The following PCDH17 variants were observed in gnomAD, a reference collection of about 807,000 sequenced individuals.
PCDH17 encodes protocadherin 17.
Under a neutral mutation model 67.7 loss-of-function variants are expected in PCDH17, and 21 were observed. The observed-to-expected ratio is 0.31, with a 90% CI of 0.22 to 0.45. The LOEUF is 0.45. PCDH17 is among the 20% of genes least tolerant of loss of function. The probability of loss-of-function intolerance (pLI) is 1.00; values close to 1 mark genes in which losing one functional copy is unlikely to be tolerated. For missense variants in PCDH17, 1,471 were observed against 1,564.8 expected (o/e 0.94, Z 1.01); for synonymous variants, 701 against 656.7 (o/e 1.07, Z -1.03).
In PCDH17 at chr13:57,727,893, G is replaced by A. The variant is rs1030788162; in HGVS notation, c.*2599G>A. Reference sequence around the variant, plus strand: ...TAAATGAAACCAGCAAAGAGAGTAGGGTTTATTTTATAAACATTCTTAATG... The same window carrying A: ...TAAATGAAACCAGCAAAGAGAGTAGAGTTTATTTTATAAACATTCTTAATG... On this transcript the variant is annotated 3_prime_UTR_variant, in exon 4 of 4. Coordinates refer to ENST00000377918, the MANE Select transcript of PCDH17 (RefSeq NM_001040429.3). The A allele has an allele frequency of 1.6e-4, 24 of 152,266 alleles. No individual in the cohort carries two copies. Among genetic ancestry groups the A allele is most frequent in the African/African-American group, 3.1e-4 (13 of 41,340 alleles). The allele number at this position is 152,266 out of a possible 1,614,324, so 9.4% of individuals were successfully genotyped here.
intron 3 of PCDH17, among the ~76,000 whole-genome samples, chr13:57,701,223 A>T (rs956927472): frequency 6.6e-6 from 1 of 152,134 alleles, no homozygotes. Context: ...TATCTTTCAC[A>T]GTTTATCAAA....
intron 3 of PCDH17, among the ~76,000 whole-genome samples, chr13:57,716,515 G>A (rs533192154): frequency 1.3e-5 from 2 of 151,840 alleles, no homozygotes; most frequent in Admixed American, 1.3e-4. Context: ...TCCACTCTCT[G>A]TTGAAACCCT....
chr13:57,633,957 C>G lies in PCDH17; in HGVS notation c.1411C>G (p.Arg471Gly). 2 of 1,613,572 alleles carry G rather than the reference C, an allele frequency of 1.2e-6. No individual in the cohort carries two copies. The highest frequency in any genetic ancestry group is 1.1e-5 in the South Asian group (1 of 91,080). Residue 471 changes from arginine (R) to glycine (G), a missense_variant, in exon 1 of 4, where the codon CGG (arginine) becomes GGG (glycine). Physicochemically the swap from Arg to Gly is moderately radical, Grantham distance 125. Coordinates refer to ENST00000377918, the MANE Select transcript of PCDH17 (RefSeq NM_001040429.3). The surrounding 1 kb of genome is among the most constrained non-coding windows in gnomAD (Gnocchi z 6.2). ...KILDENDNPP[R>G]FTKGLYVLQV... ...TCTAGACGAGAACGACAACCCGCCT[C>G]GGTTCACCAAAGGGCTCTACGTGCT...
intron 3 of PCDH17, among the ~76,000 whole-genome samples, chr13:57,705,572 G>T (rs1234797125): frequency 2.0e-5 from 3 of 152,006 alleles, no homozygotes; most frequent in East Asian, 1.9e-4. Flanking sequence ...CACATGTATT[G>T]TCACACATTT....
At chr13:57,689,357 C>A (rs116188792) in intron 3 of PCDH17, among the ~76,000 whole-genome samples, 1 of 151,856 alleles carries the variant, frequency 6.6e-6, no homozygotes, top group Non-Finnish European at 1.5e-5. Flanking sequence ...CAAAGTCCAG[C>A]ATGGCTGAGG....
chr13:57,639,736 G>A (rs1169705970), intron 1 of PCDH17, among the ~76,000 whole-genome samples: 1 of 151,838 alleles, frequency 6.6e-6, no homozygotes, highest in Non-Finnish European at 1.5e-5. Flanking sequence ...CCATATGTAA[G>A]TATATGCCAA....
chr13:57,725,364 T>G lies in PCDH17; in HGVS notation c.*70T>G. The stretch of plus-strand genomic sequence containing the variant: ...TTGATTTAAAAATGATCCCTCCTGG[T>G]GATAACCCATTTTACAGGGATGAAG... On this transcript the variant is annotated 3_prime_UTR_variant, in exon 4 of 4. Coordinates refer to ENST00000377918, the MANE Select transcript of PCDH17 (RefSeq NM_001040429.3). 1.5e-6 allele frequency: 2 copies of G among 1,366,462 alleles called. No homozygotes were observed. The highest frequency in any genetic ancestry group is 2.0e-6 in the Non-Finnish European group (2 of 999,604). The allele number at this position is 1,366,462 out of a possible 1,614,324, so 84.6% of individuals were successfully genotyped here.
chr13:57,666,055 CAT>C (rs909602174), intron 1 of PCDH17, among the ~76,000 whole-genome samples: 9 of 152,088 alleles, frequency 5.9e-5, no homozygotes, highest in African/African-American at 2.2e-4. Context: ...TCAAGAAACA[CAT>C]AGAATCCCAG....
intron 1 of PCDH17, among the ~76,000 whole-genome samples, chr13:57,648,615 AG>A (rs1367272101): frequency 6.6e-6 from 1 of 152,040 alleles, no homozygotes; most frequent in Non-Finnish European, 1.5e-5. Flanking sequence ...TCTGCTTAAA[AG>A]CAACTAATGT....
At chr13:57,707,499 C>T (rs1955732054) in intron 3 of PCDH17, among the ~76,000 whole-genome samples, 1 of 151,942 alleles carries the variant, frequency 6.6e-6, no homozygotes, top group Non-Finnish European at 1.5e-5. Flanking sequence ...CTACCAAACA[C>T]CTCAAAGATC....
Position 57,687,551 on chromosome 13 carries a change from T to A in PCDH17, c.2797+20718T>A, listed in dbSNP as rs200407974. Among the ~76,000 whole-genome samples, 192 of 152,020 alleles carry A rather than the reference T, an allele frequency of 1.3e-3. No individual in the cohort carries two copies. In the East Asian group the frequency reaches 0.024, roughly 19 times the overall value. On this transcript the variant is annotated intron_variant, in intron 3 of 3. Transcript: ENST00000377918. ...TAATAATGAAGCTAACTCATTTTTT[T>A]AAAAAATCTAAAATTGTATTATCAA... is the stretch of plus-strand genomic sequence containing the variant.
At chr13:57,681,075 A>G (rs1332777144) in intron 3 of PCDH17, among the ~76,000 whole-genome samples, 2 of 151,758 alleles carry the variant, frequency 1.3e-5, no homozygotes, top group Non-Finnish European at 2.9e-5. Context: ...CCTCAAGTTG[A>G]TGATATTGCT....
chr13:57,694,721 C>T (rs538077867), intron 3 of PCDH17, among the ~76,000 whole-genome samples: 1 of 150,876 alleles, frequency 6.6e-6, no homozygotes, highest in South Asian at 2.1e-4. Flanking sequence ...AATTTTTAAC[C>T]TTTTTAAAAA....
intron 3 of PCDH17, among the ~76,000 whole-genome samples, chr13:57,707,310 G>C (rs184184907): frequency 1.5e-4 from 23 of 149,708 alleles, no homozygotes; most frequent in African/African-American, 5.2e-4. Context: ...AACTTTCTCT[G>C]TAGCTTTGTT....
At chr13:57,719,712 A>G (rs991967711) in intron 3 of PCDH17, among the ~76,000 whole-genome samples, 4 of 152,024 alleles carry the variant, frequency 2.6e-5, no homozygotes, top group African/African-American at 9.7e-5. Context: ...ACAGAATAGA[A>G]TAAAGAGGTA....
rs539753094 is a variant in PCDH17 at position 57,709,317 on chromosome 13, T to C, written c.2798-15295T>C. ...GTTTGTGACTTTAATTTTTGGGGCC[T>C]GCTTGTTCACATCTTCTATCCACTA... On this transcript the variant is annotated intron_variant, in intron 3 of 3. Coordinates refer to ENST00000377918, the MANE Select transcript of PCDH17 (RefSeq NM_001040429.3). 2.0e-3 allele frequency among the ~76,000 whole-genome samples: 310 copies of C among 151,870 alleles called. 2 individuals are homozygous for C. The highest frequency in any genetic ancestry group is 6.7e-3 in the African/African-American group (279 of 41,512).
Position 57,634,743 on chromosome 13 carries a change from G to A in PCDH17, c.2197G>A (p.Glu733Lys). The A allele has an allele frequency of 6.2e-7, 1 of 1,613,932 alleles. No homozygotes were observed. The highest frequency in any genetic ancestry group is 8.5e-7 in the Non-Finnish European group (1 of 1,180,000). Residue 733 changes from glutamate to lysine, a missense_variant, in exon 1 of 4, where the codon GAG (glutamate) becomes AAG (lysine). Glu to Lys is a moderately conservative substitution (Grantham distance 56). Around this residue, in one of 3 missense-constraint regions of PCDH17, gnomAD observed 1,163 missense variants for 1,230.0 expected, o/e 0.95. Transcript: ENST00000377918. This position sits in a 1 kb window ranked among gnomAD's most constrained non-coding sequence, Gnocchi z 7.8. Reference protein sequence around the residue: ...MITIAVKCKRENKEIRTYNCR... With the variant: ...MITIAVKCKRKNKEIRTYNCR... ...CACCATCGCCGTCAAGTGCAAGCGCGAGAACAAGGAGATCCGCACTTACAA... is the reference window on the plus strand; with the variant it reads ...CACCATCGCCGTCAAGTGCAAGCGCAAGAACAAGGAGATCCGCACTTACAA...
chr13:57,684,739 G>C (rs1470396639), intron 3 of PCDH17, among the ~76,000 whole-genome samples: 2 of 151,968 alleles, frequency 1.3e-5, no homozygotes, highest in Non-Finnish European at 2.9e-5. Context: ...TTTATGAATA[G>C]ATGATAAGTA....
Position 57,631,930 on chromosome 13 carries a change from G to C in PCDH17, c.-617G>C, listed in dbSNP as rs887226284. ...GCAGCAAGCAGACATTTCACGGTGC[G>C]CTGGGGAAGCTTCAAAATATATCTG... On this transcript the variant is annotated 5_prime_UTR_variant, in exon 1 of 4. Transcript: ENST00000377918. 5.2e-5 allele frequency: 8 copies of C among 152,580 alleles called. No individual in the cohort carries two copies. In the East Asian group the frequency reaches 1.2e-3, roughly 22 times the overall value. 9.5% of individuals were successfully genotyped at this position (152,580 alleles called of 1,614,324 possible). A position where few individuals can be genotyped will look rare whatever the true frequency, so the allele number is the denominator to read the frequency against.
Sources: gnomAD v4.1 joint callset for allele counts (sites outside exome capture counted in the v4.1 genomes callset) on GRCh38, gnomAD v4.1.1 for gene constraint, gnomAD v4.1.1 regional missense constraint, Gnocchi (gnomAD v3.1) non-coding constraint, MANE v1.5 for transcripts, NCBI Gene and HGNC (gene_info 2026-07-23, HGNC 2026-07-21) for gene names.